The following CNTN1 variants were observed in gnomAD, a reference collection of about 807,000 sequenced individuals.
The protein encoded by CNTN1 is contactin-1.
CNTN1 carries 38 observed loss-of-function variants against 126.4 expected under a neutral mutation model. That is an observed-to-expected ratio of 0.30 (90% CI 0.23 to 0.39). The LOEUF (loss-of-function observed/expected upper bound fraction) is 0.39, where lower values mean the gene tolerates loss of function less well. Among genes scored for constraint, CNTN1 ranks in the 10% least tolerant of loss-of-function variants. The pLI, the probability that CNTN1 is intolerant of heterozygous loss-of-function variation, is 1.00. For missense variants in CNTN1, 1,009 were observed against 1,248.4 expected, an observed-to-expected ratio of 0.81 and a Z score of 2.89; for synonymous variants, 413 against 422.6, an observed-to-expected ratio of 0.98 and a Z score of 0.28.
chr12:40,800,389 G>C (rs1043914797), intron 1 of CNTN1, among the ~76,000 whole-genome samples: 4 of 151,866 alleles, frequency 2.6e-5, no homozygotes, highest in Non-Finnish European at 5.9e-5. Flanking sequence ...TTTCTTCGTA[G>C]TAGTGTGAGA....
At chr12:40,806,003 T>C (rs1940839895) in intron 1 of CNTN1, among the ~76,000 whole-genome samples, 1 of 152,142 alleles carries the variant, frequency 6.6e-6, no homozygotes, top group South Asian at 2.1e-4. Flanking sequence ...CTCCCAGCTC[T>C]CCGCTGACTC....
Position 40,852,191 on chromosome 12 carries a change from T to G in CNTN1, c.-76-56166T>G, listed in dbSNP as rs377754208. Among the ~76,000 whole-genome samples, 5 of 152,196 alleles carry G rather than the reference T, an allele frequency of 3.3e-5. No homozygotes were observed. In the East Asian group the frequency reaches 9.7e-4, roughly 29 times the overall value. ...AGCTTCATGGAAAAAAGAAAAAGAA[T>G]AATAATAATAACAAAAAGCAAGTCA... On this transcript the variant is annotated intron_variant, in intron 1 of 23. Coordinates refer to ENST00000551295, the MANE Select transcript of CNTN1 (RefSeq NM_001843.4).
intron 1 of CNTN1, among the ~76,000 whole-genome samples, chr12:40,884,401 AT>A (rs1475725626): frequency 8.6e-5 from 13 of 151,518 alleles, no homozygotes; most frequent in African/African-American, 3.1e-4. Flanking sequence ...CTTCCCTAAT[AT>A]TTTTATCATA....
chr12:40,998,914 A>G (rs1449134435), intron 17 of CNTN1, among the ~76,000 whole-genome samples: 1 of 152,166 alleles, frequency 6.6e-6, no homozygotes, highest in East Asian at 1.9e-4. Context: ...TAAAGTTATA[A>G]TTAACAAGAA....
chr12:41,023,330 TCTTCC>T (rs1948967633), intron 20 of CNTN1, among the ~76,000 whole-genome samples: 1 of 152,226 alleles, frequency 6.6e-6, no homozygotes, highest in African/African-American at 2.4e-5. Flanking sequence ...AAAGACAATC[TCTTCC>T]CTTGTGGTTT....
intron 1 of CNTN1, among the ~76,000 whole-genome samples, chr12:40,903,117 A>G (rs1236858445): frequency 6.6e-6 from 1 of 152,228 alleles, no homozygotes; most frequent in Non-Finnish European, 1.5e-5. Flanking sequence ...GTGCCAGTCC[A>G]TGTCAGGGAT....
chr12:40,728,223 A>G (rs1475319915), intron 1 of CNTN1, among the ~76,000 whole-genome samples: 1 of 152,214 alleles, frequency 6.6e-6, no homozygotes, highest in Non-Finnish European at 1.5e-5. Flanking sequence ...TTCATGAAAC[A>G]GGAAGTCCAG....
chr12:40,805,087 T>G (rs1429839729), intron 1 of CNTN1, among the ~76,000 whole-genome samples: 1 of 152,064 alleles, frequency 6.6e-6, no homozygotes, highest in African/African-American at 2.4e-5. Context: ...TAACATATTT[T>G]TAATTTTTAT....
At chr12:41,032,282 G>A (rs1452708724) in intron 23 of CNTN1, among the ~76,000 whole-genome samples, 1 of 151,560 alleles carries the variant, frequency 6.6e-6, no homozygotes, top group Non-Finnish European at 1.5e-5. Context: ...CACAGGGAAT[G>A]GTGTGAACCC....
chr12:40,915,091 A>T (rs960658494), intron 3 of CNTN1, among the ~76,000 whole-genome samples: 2 of 152,086 alleles, frequency 1.3e-5, no homozygotes, highest in African/African-American at 2.4e-5. Flanking sequence ...CTGAAAGCTG[A>T]CCAACTTTTA....
At chr12:41,023,021 G>C (rs925164092) in intron 20 of CNTN1, among the ~76,000 whole-genome samples, 1 of 152,008 alleles carries the variant, frequency 6.6e-6, no homozygotes, top group East Asian at 1.9e-4. Context: ...GACTGTGGCC[G>C]GTAGGGGGGA....
intron 23 of CNTN1, among the ~76,000 whole-genome samples, chr12:41,040,522 G>A (rs969848126): frequency 2.6e-5 from 4 of 152,064 alleles, no homozygotes; most frequent in African/African-American, 7.2e-5. Context: ...CCATTTTCAC[G>A]ATATTGATTC....
intron 1 of CNTN1, among the ~76,000 whole-genome samples, chr12:40,818,157 C>T (rs1941317990): frequency 1.3e-5 from 2 of 152,030 alleles, no homozygotes; most frequent in African/African-American, 4.8e-5. Context: ...TTGATCTTCT[C>T]ATGGAGTGTC....
chr12:40,994,985 G>T (rs1948178349), intron 17 of CNTN1, among the ~76,000 whole-genome samples: 1 of 151,928 alleles, frequency 6.6e-6, no homozygotes, highest in Non-Finnish European at 1.5e-5. Context: ...AAACTATTTA[G>T]TGTCTCTGAG....
At chr12:41,008,431 ATAT>A (rs1948557918) in intron 17 of CNTN1, among the ~76,000 whole-genome samples, 1 of 152,180 alleles carries the variant, frequency 6.6e-6, no homozygotes, top group Admixed American at 6.5e-5. Flanking sequence ...AGAAAAACAT[ATAT>A]ACCCCCGTTG....
At chr12:40,795,395 C>T (rs142462856) in intron 1 of CNTN1, among the ~76,000 whole-genome samples, 122 of 148,372 alleles carry the variant, frequency 8.2e-4, no homozygotes, top group South Asian at 1.9e-3. Context: ...TGGCTCACTG[C>T]GACACACACA....
At chr12:40,786,293 C>G (rs1323280240) in intron 1 of CNTN1, among the ~76,000 whole-genome samples, 3 of 152,156 alleles carry the variant, frequency 2.0e-5, no homozygotes, top group African/African-American at 7.2e-5. Flanking sequence ...TGTGTACCAC[C>G]TCTTCATCTT....
intron 23 of CNTN1, among the ~76,000 whole-genome samples, chr12:41,044,375 T>C (rs1377686178): frequency 6.6e-6 from 1 of 152,048 alleles, no homozygotes; most frequent in Non-Finnish European, 1.5e-5. Context: ...GCAAACAAAG[T>C]CAGTAAACAC....
intron 1 of CNTN1, among the ~76,000 whole-genome samples, chr12:40,743,322 T>C (rs1472313476): frequency 2.6e-5 from 4 of 151,996 alleles, no homozygotes. Context: ...TGAGTTTGAA[T>C]GTAATCATGT....
Sources: gnomAD v4.1 joint callset for allele counts (sites outside exome capture counted in the v4.1 genomes callset) on GRCh38, gnomAD v4.1.1 for gene constraint, MANE v1.5 for transcripts, NCBI Gene and HGNC (gene_info 2026-07-23, HGNC 2026-07-21) for gene names.